The following PDS5B variants were observed in gnomAD, a reference collection of about 807,000 sequenced individuals.
The protein encoded by PDS5B is sister chromatid cohesion protein PDS5 homolog B.
PDS5B carries 51 observed loss-of-function variants against 184.1 expected under a neutral mutation model. That is an observed-to-expected ratio of 0.28 (90% CI 0.22 to 0.35). PDS5B has a LOEUF of 0.35. Ranked by LOEUF, PDS5B falls within the 10% of genes least tolerant of loss-of-function variation. The pLI is 1.00. For synonymous variants in PDS5B, 566 were observed against 569.2 expected (o/e 0.99, Z 0.08); for missense variants, 1,180 against 1,723.3 (o/e 0.68, Z 5.58).
intron 1 of PDS5B, among the ~76,000 whole-genome samples, chr13:32,606,966 A>C (rs1488906839): frequency 6.6e-6 from 1 of 152,198 alleles, no homozygotes; most frequent in Non-Finnish European, 1.5e-5. Flanking sequence ...CCATTCGTCT[A>C]ATCTTTTTTC....
rs926718465 is a variant in PDS5B at position 32,735,030 on chromosome 13, T to C, written c.2248-142T>C. On this transcript the variant is annotated intron_variant, in intron 20 of 34. Transcript: ENST00000315596. The stretch of plus-strand genomic sequence containing the variant: ...TGAGTTACTACTTATACTATGTATA[T>C]TTATTGAAATTTTTGTAGTTTTTAT... 4.0e-5 allele frequency: 20 copies of C among 495,682 alleles called. No individual in the cohort carries two copies. In the East Asian group the frequency reaches 6.5e-4, roughly 16 times the overall value. The allele number at this position is 495,682 out of a possible 1,614,324, so 30.7% of individuals were successfully genotyped here. A position where few individuals can be genotyped will look rare whatever the true frequency, so the allele number is the denominator to read the frequency against.
At chr13:32,652,079 AAG>A (rs1950378596) in intron 3 of PDS5B, 72 bp downstream of exon 3, 1 of 1,032,764 alleles carries the variant, frequency 9.7e-7, no homozygotes, top group African/African-American at 1.6e-5. Context: ...AATGGGAGTT[AAG>A]GTATTTAGAT....
chr13:32,746,136 G>A, intron 24 of PDS5B, 36 bp downstream of exon 24: 1 of 1,573,312 alleles, frequency 6.4e-7, no homozygotes, highest in Non-Finnish European at 8.7e-7. Flanking sequence ...CTTTTTGAAG[G>A]TCTTTGACTT....
chr13:32,681,385 G>A (rs1445846199), intron 10 of PDS5B, among the ~76,000 whole-genome samples: 1 of 152,146 alleles, frequency 6.6e-6, no homozygotes, highest in Non-Finnish European at 1.5e-5. Context: ...CACTTTGGGA[G>A]GCCGAGGCGG....
intron 1 of PDS5B, among the ~76,000 whole-genome samples, chr13:32,602,672 A>G (rs375759955): frequency 6.6e-6 from 1 of 152,206 alleles, no homozygotes; most frequent in Non-Finnish European, 1.5e-5. Flanking sequence ...GAATCGCCAC[A>G]CTGTCTTCCA....
At chr13:32,755,489 A>G (rs1279046235) in intron 25 of PDS5B, among the ~76,000 whole-genome samples, 2 of 152,110 alleles carry the variant, frequency 1.3e-5, no homozygotes, top group African/African-American at 4.8e-5. Flanking sequence ...AATAGGAAAA[A>G]TAGATGTTTT....
chr13:32,648,907 A>C, intron 2 of PDS5B, 27 bp downstream of exon 2: 1 of 996,462 alleles, frequency 1.0e-6, no homozygotes. Context: ...TCTTTTTTAC[A>C]TCTGTGTAGG....
intron 19 of PDS5B, among the ~76,000 whole-genome samples, chr13:32,713,946 C>T (rs971076769): frequency 1.1e-4 from 16 of 152,170 alleles, no homozygotes; most frequent in East Asian, 9.7e-4. Flanking sequence ...TCCTAAGCGG[C>T]GGCCGGCTTG....
intron 19 of PDS5B, among the ~76,000 whole-genome samples, chr13:32,721,379 C>T (rs962765497): frequency 1.3e-4 from 19 of 151,352 alleles, no homozygotes; most frequent in African/African-American, 3.9e-4. Context: ...GGGTGGCTGC[C>T]GGGCGGGGGT....
At chr13:32,615,386 T>C (rs1302991459) in intron 1 of PDS5B, among the ~76,000 whole-genome samples, 1 of 152,182 alleles carries the variant, frequency 6.6e-6, no homozygotes, top group African/African-American at 2.4e-5. Context: ...GAATTGAGAT[T>C]TGTGGGAATC....
chr13:32,682,595 C>T (rs1462254952), intron 10 of PDS5B, among the ~76,000 whole-genome samples: 1 of 152,096 alleles, frequency 6.6e-6, no homozygotes, highest in Non-Finnish European at 1.5e-5. Context: ...TAGTCTTATA[C>T]AAGTATTTCT....
At chr13:32,708,544 G>A (rs537208236) in intron 18 of PDS5B, among the ~76,000 whole-genome samples, 3 of 152,238 alleles carry the variant, frequency 2.0e-5, no homozygotes, top group Admixed American at 2.0e-4. Flanking sequence ...TATTTAAATT[G>A]CTGTACAGGG....
At chr13:32,762,378 T>C (rs748453797) in intron 30 of PDS5B, among the ~76,000 whole-genome samples, 11 of 152,202 alleles carry the variant, frequency 7.2e-5, no homozygotes, top group African/African-American at 1.9e-4. Context: ...AAATTTCTTA[T>C]AATGAATAAA....
chr13:32,652,143 A>T, intron 3 of PDS5B, 136 bp downstream of exon 3: 3 of 556,560 alleles, frequency 5.4e-6, no homozygotes, highest in Non-Finnish European at 6.0e-6. Flanking sequence ...GCTAAACTTA[A>T]TGTTTTTTTT....
chr13:32,595,254 C>G (rs2057844101), intron 1 of PDS5B, among the ~76,000 whole-genome samples: 1 of 152,046 alleles, frequency 6.6e-6, no homozygotes, highest in Non-Finnish European at 1.5e-5. Context: ...TCTCCATCTC[C>G]CCTAACTCTC....
intron 22 of PDS5B, 103 bp downstream of exon 22, chr13:32,741,251 C>A: frequency 1.6e-6 from 1 of 640,760 alleles, no homozygotes; most frequent in Non-Finnish European, 2.7e-6. Context: ...TAAAGTCACT[C>A]AAGTATTTAC....
In PDS5B at chr13:32,660,484, A is replaced by G. The variant is rs201766590; in HGVS notation, c.624+1204A>G. On this transcript the variant is annotated intron_variant, in intron 6 of 34. Transcript: ENST00000315596. Reference sequence around the variant, plus strand: ...CCCTAGGGAGGAGGACTGAATTCCCAGGGGAGACCTGCTAAGCCTTTCAAA... The same window carrying G: ...CCCTAGGGAGGAGGACTGAATTCCCGGGGGAGACCTGCTAAGCCTTTCAAA... Among the ~76,000 whole-genome samples, 6 of 152,110 alleles carry G rather than the reference A, an allele frequency of 3.9e-5. No individual in the cohort carries two copies. In the East Asian group the frequency reaches 5.8e-4, roughly 15 times the overall value.
At chr13:32,757,047 C>T (rs1378082153) in intron 26 of PDS5B, among the ~76,000 whole-genome samples, 1 of 151,814 alleles carries the variant, frequency 6.6e-6, no homozygotes, top group Admixed American at 6.6e-5. Context: ...ATTGCTTGAA[C>T]CTGGGTGGTG....
intron 3 of PDS5B, among the ~76,000 whole-genome samples, chr13:32,654,338 C>G (rs1228881152): frequency 6.6e-6 from 1 of 152,158 alleles, no homozygotes; most frequent in African/African-American, 2.4e-5. Flanking sequence ...CATCAGCAAA[C>G]CCCTTTTATA....
Sources: allele counts gnomAD v4.1 joint callset (sites outside exome capture counted in the v4.1 genomes callset), GRCh38; gene constraint gnomAD v4.1.1; transcripts MANE v1.5; gene names NCBI Gene and HGNC (gene_info 2026-07-23, HGNC 2026-07-21).